CNTNAP2: variants seen among roughly 807,000 people sequenced by gnomAD.
CNTNAP2 encodes the protein contactin associated protein 2, also known as contactin-associated protein-like 2.
A neutral mutation model predicts 155.2 loss-of-function variants in CNTNAP2; 98 were observed. The observed-to-expected ratio is 0.63, with a 90% CI of 0.54 to 0.75. The LOEUF is 0.75. CNTNAP2 is among the 30% of genes least tolerant of loss of function. CNTNAP2 has a pLI of 0.00. For missense variants in CNTNAP2, 1,727 were observed against 1,688.1 expected (o/e 1.02, Z -0.40); for synonymous variants, 651 against 631.2 (o/e 1.03, Z -0.47).
intron 14 of CNTNAP2, 67 bp from the exon 15 acceptor site, chr7:147,977,795 A>G (rs1801455401): frequency 6.2e-7 from 1 of 1,603,306 alleles, no homozygotes; most frequent in African/African-American, 1.3e-5. Flanking sequence ...AACGTAAGCA[A>G]CTAGCAGAAA....
intron 21 of CNTNAP2, among the ~76,000 whole-genome samples, chr7:148,312,927 G>A (rs1294512604): frequency 6.6e-6 from 1 of 151,198 alleles, no homozygotes; most frequent in Non-Finnish European, 1.5e-5. Context: ...GGGGGGATGT[G>A]AAGGAGGCGT....
rs1795340407 is a variant in CNTNAP2, at chr7:147,320,935, CA to C, written c.1498+20649del. Among the ~76,000 whole-genome samples, 2 of 152,248 alleles carry C rather than the reference CA, an allele frequency of 1.3e-5. 1 individual carries two copies. Among genetic ancestry groups the C allele is most frequent in the Middle Eastern group, 6.8e-3 (2 of 294 alleles). ...GACTGCTGAAGTCATTGAAAGGGCA[CA>C]AAACTTTGCAGGCCATGCTTATGGT... On this transcript the variant is annotated intron_variant, in intron 9 of 23. Transcript: ENST00000361727.
At chr7:147,112,457 G>A (rs1002267788) in intron 5 of CNTNAP2, among the ~76,000 whole-genome samples, 2 of 152,120 alleles carry the variant, frequency 1.3e-5, no homozygotes, top group African/African-American at 4.8e-5. Context: ...ACAGTTTTCT[G>A]TGGAATGCTT....
intron 4 of CNTNAP2, among the ~76,000 whole-genome samples, chr7:147,053,815 A>G (rs1460931016): frequency 6.6e-6 from 1 of 152,156 alleles, no homozygotes; most frequent in African/African-American, 2.4e-5. Context: ...TAAAGAGAAG[A>G]ATAAAGTAAT....
At chr7:147,309,243 C>T (rs557355568) in intron 9 of CNTNAP2, among the ~76,000 whole-genome samples, 1 of 152,214 alleles carries the variant, frequency 6.6e-6, no homozygotes, top group African/African-American at 2.4e-5. Flanking sequence ...ACTTGGTTAC[C>T]CTATCTCACT....
chr7:146,149,265 C>A (rs2116771818), intron 1 of CNTNAP2, among the ~76,000 whole-genome samples: 1 of 152,102 alleles, frequency 6.6e-6, no homozygotes, highest in African/African-American at 2.4e-5. Context: ...AATATGATCC[C>A]TACTTTGTTA....
At chr7:146,203,359 G>A (rs574809252) in intron 1 of CNTNAP2, among the ~76,000 whole-genome samples, 2 of 152,172 alleles carry the variant, frequency 1.3e-5, no homozygotes, top group African/African-American at 4.8e-5. Context: ...TTTGGGTTCA[G>A]TTAATTTATT....
rs1355752112 is a variant in CNTNAP2 at position 146,931,699 on chromosome 7, TAAAG to T, written c.402+91799_402+91802del. On this transcript the variant is annotated intron_variant, in intron 3 of 23. Transcript: ENST00000361727. The stretch of plus-strand genomic sequence containing the variant: ...ATTGATAGACCGCTAGCAAGACTAA[TAAAG>T]AAAAAAAGAGAGAAGAATCAAATAG... 7.6e-5 allele frequency among the ~76,000 whole-genome samples: 11 copies of T among 145,644 alleles called. No homozygotes were observed. The East Asian group carries it at 1.4e-3, about 18-fold the overall frequency.
intron 13 of CNTNAP2, among the ~76,000 whole-genome samples, chr7:147,727,747 C>CTT (rs10689191): frequency 0.13 from 18,073 of 141,592 alleles, 3,736 homozygotes; most frequent in African/African-American, 0.43. Flanking sequence ...CCAAAGCCTG[C>CTT]TTTTTTTTTT....
Position 146,373,027 on chromosome 7 carries a change from A to T in CNTNAP2, c.97+256054A>T, listed in dbSNP as rs115819580. ...ATGTGATAATAAGAAGGGTGAAACTAGTAGAGAAAATTAAAACATTAAGGG... is the reference window on the plus strand; with the variant it reads ...ATGTGATAATAAGAAGGGTGAAACTTGTAGAGAAAATTAAAACATTAAGGG... On this transcript the variant is annotated intron_variant, in intron 1 of 23. Coordinates refer to ENST00000361727, the MANE Select transcript of CNTNAP2 (RefSeq NM_014141.6). Among the ~76,000 whole-genome samples the T allele has an allele frequency of 9.6e-3, 1,460 of 152,272 alleles. 22 individuals are homozygous for T. Among genetic ancestry groups the T allele is most frequent in the African/African-American group, 0.032 (1,344 of 41,550 alleles).
chr7:148,385,480 C>T (rs770595849), intron 22 of CNTNAP2, among the ~76,000 whole-genome samples: 2 of 152,084 alleles, frequency 1.3e-5, no homozygotes, highest in African/African-American at 2.4e-5. Context: ...AGACAAATAC[C>T]GTGAATGATC....
chr7:146,771,151 T>C (rs1208471199), intron 1 of CNTNAP2, among the ~76,000 whole-genome samples: 2 of 152,212 alleles, frequency 1.3e-5, no homozygotes, highest in Admixed American at 1.3e-4. Flanking sequence ...TCATATTTAA[T>C]GTTCCTTCTT....
At chr7:146,583,955 T>C (rs1184976752) in intron 1 of CNTNAP2, among the ~76,000 whole-genome samples, 1 of 152,182 alleles carries the variant, frequency 6.6e-6, no homozygotes, top group Non-Finnish European at 1.5e-5. Context: ...TGAATGCCAC[T>C]TCTCTTGTAG....
chr7:147,967,093 G>A (rs1801228608), intron 14 of CNTNAP2, among the ~76,000 whole-genome samples: 1 of 152,096 alleles, frequency 6.6e-6, no homozygotes, highest in African/African-American at 2.4e-5. Flanking sequence ...CATGGAAATG[G>A]CAAAGAGGCT....
chr7:148,296,230 T>G (rs143976127), intron 21 of CNTNAP2, among the ~76,000 whole-genome samples: 2 of 152,126 alleles, frequency 1.3e-5, no homozygotes, highest in African/African-American at 4.8e-5. Context: ...GTCCCCAAAA[T>G]AGCCACTGCA....
At chr7:148,107,895 G>A (rs1025512446) in intron 15 of CNTNAP2, among the ~76,000 whole-genome samples, 1 of 152,202 alleles carries the variant, frequency 6.6e-6, no homozygotes, top group Non-Finnish European at 1.5e-5. Flanking sequence ...CCCAGTGTGA[G>A]CCATTTGGTG....
At chr7:147,234,775 C>T (rs1384965551) in intron 8 of CNTNAP2, among the ~76,000 whole-genome samples, 1 of 152,146 alleles carries the variant, frequency 6.6e-6, no homozygotes, top group East Asian at 1.9e-4. Flanking sequence ...TCGATGAGGC[C>T]GTTTGTTTTG....
At chr7:147,473,886 C>G (rs1584755771) in intron 10 of CNTNAP2, among the ~76,000 whole-genome samples, 1 of 151,666 alleles carries the variant, frequency 6.6e-6, no homozygotes, top group Non-Finnish European at 1.5e-5. Context: ...TTGAGACCAG[C>G]CTGACAAACA....
intron 13 of CNTNAP2, among the ~76,000 whole-genome samples, chr7:147,688,653 T>G (rs1796048397): frequency 6.6e-6 from 1 of 152,040 alleles, no homozygotes; most frequent in African/African-American, 2.4e-5. Flanking sequence ...GACTGAGAGG[T>G]TCCATACCAG....
Sources: gnomAD v4.1 joint callset for allele counts (sites outside exome capture counted in the v4.1 genomes callset) on GRCh38, gnomAD v4.1.1 for gene constraint, MANE v1.5 for transcripts, NCBI Gene and HGNC (gene_info 2026-07-23, HGNC 2026-07-21) for gene names.